The following CFAP99 variants were observed in gnomAD, a reference collection of about 807,000 sequenced individuals.
The protein encoded by CFAP99 is cilia- and flagella-associated protein 99.
A neutral mutation model predicts 82.7 loss-of-function variants in CFAP99; 84 were observed. That is an observed-to-expected ratio of 1.02 (90% CI 0.85 to 1.22). The LOEUF (loss-of-function observed/expected upper bound fraction) is 1.22, where lower values mean the gene tolerates loss of function less well. Ranked by LOEUF, CFAP99 falls within the 50% of genes most tolerant of loss-of-function variation. The pLI is 0.00. For synonymous variants in CFAP99, 456 were observed against 429.5 expected, an observed-to-expected ratio of 1.06 and a Z score of -0.76; for missense variants, 1,059 against 983.5, an observed-to-expected ratio of 1.08 and a Z score of -1.03.
intron 11 of CFAP99, among the ~76,000 whole-genome samples, chr4:2,455,448 C>T (rs1035787134): frequency 1.3e-5 from 2 of 152,076 alleles, no homozygotes; most frequent in African/African-American, 2.4e-5. Flanking sequence ...CAAAGCAGGG[C>T]GATCACCTGA....
chr4:2,445,349 T>C (rs1734140787), intron 6 of CFAP99, 41 bp downstream of exon 6: 5 of 1,289,252 alleles, frequency 3.9e-6, no homozygotes, highest in Non-Finnish European at 4.9e-6. Flanking sequence ...CTTGCAGGCA[T>C]CAGGGTAGCC....
At chr4:2,460,285 A>G in intron 14 of CFAP99, 43 bp downstream of exon 14, 6 of 1,514,366 alleles carry the variant, frequency 4.0e-6, no homozygotes, top group Non-Finnish European at 5.3e-6. Flanking sequence ...GTGGACAGGG[A>G]GCATGCTGTA....
In CFAP99 at chr4:2,459,277, A is replaced by T; in HGVS notation, c.1455+19A>T. The stretch of plus-strand genomic sequence containing the variant: ...GACCCAGGTGAGGATGCAGTCCTGG[A>T]CGGGCCCATGCCTCAGGGGCCTCCA... On this transcript the variant is annotated intron_variant, in intron 13 of 14. Transcript: ENST00000635017. 1 of 1,518,878 alleles carries T rather than the reference A, an allele frequency of 6.6e-7. No homozygotes were observed. The highest frequency in any genetic ancestry group is 8.8e-7 in the Non-Finnish European group (1 of 1,137,188). The allele number at this position is 1,518,878 out of a possible 1,614,324, so 94.1% of individuals were successfully genotyped here.
chr4:2,444,568 G>A (rs568412140), intron 5 of CFAP99, among the ~76,000 whole-genome samples: 7 of 152,178 alleles, frequency 4.6e-5, no homozygotes, highest in Non-Finnish European at 1.0e-4. Context: ...GACATGGAAG[G>A]GGGAGCCCCA....
chr4:2,444,923 G>C (rs1258325583), intron 5 of CFAP99, among the ~76,000 whole-genome samples: 1 of 152,148 alleles, frequency 6.6e-6, no homozygotes, highest in East Asian at 1.9e-4. Flanking sequence ...CAAGGGGACT[G>C]CGTCTGTATA....
intron 1 of CFAP99, among the ~76,000 whole-genome samples, chr4:2,422,952 G>A (rs922165803): frequency 6.6e-6 from 1 of 152,188 alleles, no homozygotes; most frequent in African/African-American, 2.4e-5. Context: ...GACTACAGGC[G>A]TGCCACCACA....
At chr4:2,433,622 G>T (rs1229423591) in intron 2 of CFAP99, among the ~76,000 whole-genome samples, 1 of 152,166 alleles carries the variant, frequency 6.6e-6, no homozygotes, top group Admixed American at 6.5e-5. Flanking sequence ...GATGTCACTG[G>T]GTCCCCGCGA....
At chr4:2,460,742 T>C (rs1249842288) in intron 14 of CFAP99, among the ~76,000 whole-genome samples, 1 of 152,136 alleles carries the variant, frequency 6.6e-6, no homozygotes, top group African/African-American at 2.4e-5. Context: ...GTTGGCCAAC[T>C]GTTTTTTGTT....
intron 1 of CFAP99, among the ~76,000 whole-genome samples, chr4:2,420,966 G>A (rs535956576): frequency 2.4e-4 from 36 of 152,192 alleles, no homozygotes; most frequent in Non-Finnish European, 4.6e-4. Flanking sequence ...ACACAACCAT[G>A]CCCCAGCTGC....
chr4:2,425,789 G>C (rs753355082), intron 1 of CFAP99, among the ~76,000 whole-genome samples: 2 of 152,124 alleles, frequency 1.3e-5, no homozygotes, highest in African/African-American at 2.4e-5. Context: ...CCCCTAGGCA[G>C]CTTCTCCAAG....
At chr4:2,428,123 G>A (rs1733722780) in intron 2 of CFAP99, 1 of 152,676 alleles carries the variant, frequency 6.5e-6, no homozygotes, top group Non-Finnish European at 1.5e-5. Context: ...TCCCAGCTAA[G>A]GCCTCAGCAC....
At chr4:2,451,350 G>T in exon 10 of CFAP99, 1 of 1,535,402 alleles carries the variant, frequency 6.5e-7, no homozygotes, top group South Asian at 1.2e-5. Flanking sequence ...AGGAGCTGCA[G>T]AGGTGAAGGG....
At chr4:2,447,053 T>G (rs1734181341) in intron 6 of CFAP99, among the ~76,000 whole-genome samples, 1 of 150,578 alleles carries the variant, frequency 6.6e-6, no homozygotes, top group Admixed American at 6.6e-5. Flanking sequence ...CATGGAAGGA[T>G]AAGTTGATGG....
chr4:2,439,174 C>A (rs1419975578), intron 4 of CFAP99, among the ~76,000 whole-genome samples: 2 of 152,242 alleles, frequency 1.3e-5, no homozygotes, highest in African/African-American at 4.8e-5. Context: ...CTTACAACGA[C>A]CCAGTGAGGT....
At chr4:2,438,038 C>T (rs1733954931) in intron 3 of CFAP99, 32 bp from the exon 4 acceptor site, 3 of 1,365,112 alleles carry the variant, frequency 2.2e-6, no homozygotes, top group Non-Finnish European at 3.0e-6. Context: ...CCGTGACGTC[C>T]CTTAGCCTCT....
At chr4:2,449,631 G>C (rs1395745660) in intron 6 of CFAP99, 39 bp from the exon 7 acceptor site, 2 of 1,526,796 alleles carry the variant, frequency 1.3e-6, no homozygotes, top group Admixed American at 3.9e-5. Flanking sequence ...CCCACTCGCA[G>C]CTGCTGACCA....
At chr4:2,451,060 A>AC in intron 9 of CFAP99, 42 bp downstream of exon 9, 1 of 1,513,168 alleles carries the variant, frequency 6.6e-7, no homozygotes, top group Non-Finnish European at 8.8e-7. Context: ...CTCCCTGGGC[A>AC]CCCACCCCTC....
rs570202929 is a variant in CFAP99 at position 2,462,673 on chromosome 4, G to A, written c.1892G>A (p.Arg631Gln). ...GGGGCCGGGTGGGGATGGCGGGCGC[G>A]GCGCGCAGGGACCGGCGTCCCGGGG... Residue 631 changes from arginine to glutamine, a missense_variant, in exon 15 of 15, where the codon CGG (arginine) becomes CAG (glutamine). Physicochemically the swap from Arg to Gln is conservative, Grantham distance 43 (BLOSUM62 1). Coordinates refer to ENST00000635017, the Ensembl canonical transcript of CFAP99. The surrounding 1 kb of genome is among the most constrained non-coding windows in gnomAD (Gnocchi z 4.1). 296 of 1,263,934 alleles carry A rather than the reference G, an allele frequency of 2.3e-4. 1 individual carries two copies. The African/African-American group carries it at 4.3e-3, about 19-fold the overall frequency. The allele number at this position is 1,263,934 out of a possible 1,614,324, so 78.3% of individuals were successfully genotyped here.
At chr4:2,441,223 AT>A (rs1440091700) in intron 4 of CFAP99, among the ~76,000 whole-genome samples, 1 of 151,794 alleles carries the variant, frequency 6.6e-6, no homozygotes, top group African/African-American at 2.4e-5. Flanking sequence ...ATAGAAAAAA[AT>A]TAGCCGGTCA....
Sources: gnomAD v4.1 joint callset for allele counts (sites outside exome capture counted in the v4.1 genomes callset) on GRCh38, gnomAD v4.1.1 for gene constraint, Gnocchi (gnomAD v3.1) non-coding constraint, MANE v1.5 for transcripts, NCBI Gene and HGNC (gene_info 2026-07-23, HGNC 2026-07-21) for gene names.